SCAPER: variants seen among roughly 807,000 people sequenced by gnomAD.
SCAPER encodes the protein S phase cyclin A-associated protein in the endoplasmic reticulum.
Under a neutral mutation model 182.2 loss-of-function variants are expected in SCAPER, and 98 were observed. The ratio of observed to expected loss-of-function variants is 0.54; its 90% CI spans 0.46 to 0.64. The LOEUF is 0.64. SCAPER is among the 30% of genes least tolerant of loss of function. The probability of loss-of-function intolerance (pLI) is 0.00; values close to 1 mark genes in which losing one functional copy is unlikely to be tolerated. For synonymous variants in SCAPER, 605 were observed against 564.6 expected (o/e 1.07, Z -1.01); for missense variants, 1,432 against 1,690.0 (o/e 0.85, Z 2.68).
chr15:76,424,104 G>A (rs896024102), intron 26 of SCAPER, among the ~76,000 whole-genome samples: 76 of 152,288 alleles, frequency 5.0e-4, no homozygotes, highest in Middle Eastern at 3.4e-3. Flanking sequence ...CTGTTGATTT[G>A]GGGTGGAGAG....
At chr15:76,514,978 C>T (rs1008884872) in intron 23 of SCAPER, among the ~76,000 whole-genome samples, 1 of 152,152 alleles carries the variant, frequency 6.6e-6, no homozygotes, top group Non-Finnish European at 1.5e-5. Context: ...TATCTATGCT[C>T]AGCTTTTCAG....
At chr15:76,545,427 AAAG>A (rs2045188039) in intron 23 of SCAPER, among the ~76,000 whole-genome samples, 1 of 152,292 alleles carries the variant, frequency 6.6e-6, no homozygotes, top group Admixed American at 6.5e-5. Context: ...GCTGCCTTAT[AAAG>A]GTTCCTTTGA....
At chr15:76,800,212 T>C (rs780054928) in intron 7 of SCAPER, 36 bp downstream of exon 7, 1 of 1,115,000 alleles carries the variant, frequency 9.0e-7, no homozygotes, top group Non-Finnish European at 1.3e-6. Context: ...AATAATTTAA[T>C]GCAAGTCTTA....
At chr15:76,466,152 T>A (rs1395748820) in intron 25 of SCAPER, among the ~76,000 whole-genome samples, 1 of 152,120 alleles carries the variant, frequency 6.6e-6, no homozygotes, top group Non-Finnish European at 1.5e-5. Flanking sequence ...TTAAGTAAAC[T>A]TTCTGCCCAT....
chr15:76,533,593 A>G (rs2043865506), intron 23 of SCAPER, among the ~76,000 whole-genome samples: 1 of 152,010 alleles, frequency 6.6e-6, no homozygotes, highest in African/African-American at 2.4e-5. Flanking sequence ...CATTTCTCAG[A>G]ATGTCTCCCT....
At chr15:76,875,879 G>A (rs1003196110) in intron 2 of SCAPER, among the ~76,000 whole-genome samples, 8 of 152,218 alleles carry the variant, frequency 5.3e-5, no homozygotes, top group African/African-American at 1.9e-4. Flanking sequence ...AGCAGGGGGC[G>A]GCGCTGGTCG....
At chr15:76,678,507 A>G (rs2057495525) in intron 20 of SCAPER, among the ~76,000 whole-genome samples, 1 of 152,158 alleles carries the variant, frequency 6.6e-6, no homozygotes, top group African/African-American at 2.4e-5. Flanking sequence ...GGAAGCATTT[A>G]TAATACTCCC....
chr15:76,746,997 G>A (rs1276618436), intron 15 of SCAPER, among the ~76,000 whole-genome samples: 2 of 152,150 alleles, frequency 1.3e-5, no homozygotes, highest in African/African-American at 2.4e-5. Context: ...TTGCAGATAC[G>A]AAAAACCAAA....
chr15:76,888,133 C>A (rs527268846), intron 1 of SCAPER, among the ~76,000 whole-genome samples: 7 of 152,244 alleles, frequency 4.6e-5, no homozygotes, highest in Non-Finnish European at 8.8e-5. Flanking sequence ...ATAGCATCAA[C>A]ATCAACCAAA....
At chr15:76,613,911 A>T (rs1051784748) in intron 22 of SCAPER, among the ~76,000 whole-genome samples, 1 of 152,226 alleles carries the variant, frequency 6.6e-6, no homozygotes, top group African/African-American at 2.4e-5. Flanking sequence ...ATTACTGGAC[A>T]TATATCCAAA....
chr15:76,718,848 A>C (rs1032478541), intron 17 of SCAPER, among the ~76,000 whole-genome samples: 1 of 152,138 alleles, frequency 6.6e-6, no homozygotes, highest in Non-Finnish European at 1.5e-5. Flanking sequence ...TAAAACCATT[A>C]TGAAATACTA....
At chr15:76,400,410 T>C (rs2044377329) in intron 27 of SCAPER, among the ~76,000 whole-genome samples, 1 of 152,226 alleles carries the variant, frequency 6.6e-6, no homozygotes, top group Non-Finnish European at 1.5e-5. Flanking sequence ...GCAGAAACTC[T>C]ATTTAATGCA....
chr15:76,476,032 C>A (rs1158672014), intron 24 of SCAPER, among the ~76,000 whole-genome samples: 1 of 152,128 alleles, frequency 6.6e-6, no homozygotes. Context: ...CTTTTATTCT[C>A]CCCTACACAA....
At chr15:76,635,517 G>A (rs375756087) in intron 21 of SCAPER, among the ~76,000 whole-genome samples, 2 of 152,032 alleles carry the variant, frequency 1.3e-5, no homozygotes, top group African/African-American at 4.8e-5. Flanking sequence ...AATAGAAATA[G>A]TTTCATATCT....
intron 20 of SCAPER, among the ~76,000 whole-genome samples, chr15:76,682,664 G>C (rs565160108): frequency 2.6e-5 from 4 of 152,128 alleles, no homozygotes; most frequent in Non-Finnish European, 5.9e-5. Context: ...TTAGAGTGTT[G>C]TGGTCAGTAG....
intron 22 of SCAPER, among the ~76,000 whole-genome samples, chr15:76,595,595 A>T (rs1189928672): frequency 8.2e-6 from 1 of 122,128 alleles, no homozygotes; most frequent in African/African-American, 2.5e-5. Context: ...GCAAAAGAAC[A>T]GAAATCATAA....
intron 23 of SCAPER, among the ~76,000 whole-genome samples, chr15:76,541,461 T>C (rs572639531): frequency 6.6e-6 from 1 of 152,328 alleles, no homozygotes; most frequent in African/African-American, 2.4e-5. Context: ...TTGTTCTCTT[T>C]AGGGGAATTC....
intron 22 of SCAPER, among the ~76,000 whole-genome samples, chr15:76,596,591 C>T (rs530718018): frequency 1.6e-5 from 2 of 121,276 alleles, no homozygotes; most frequent in East Asian, 4.4e-4. Flanking sequence ...CCAAATCTGG[C>T]AGCACATTAA....
At chr15:76,797,230 A>G (rs1312232954) in intron 7 of SCAPER, 2 of 152,238 alleles carry the variant, frequency 1.3e-5, no homozygotes, top group African/African-American at 4.8e-5. Flanking sequence ...CAACCCTTCC[A>G]TTAAACATCA....
Sources: gnomAD v4.1 joint callset for allele counts (sites outside exome capture counted in the v4.1 genomes callset) on GRCh38, gnomAD v4.1.1 for gene constraint, MANE v1.5 for transcripts, NCBI Gene and HGNC (gene_info 2026-07-23, HGNC 2026-07-21) for gene names.